SYTL5: variants seen among roughly 807,000 people sequenced by gnomAD.
SYTL5 encodes the protein synaptotagmin-like protein 5.
SYTL5 carries 34 observed loss-of-function variants against 55.9 expected under a neutral mutation model. The observed-to-expected ratio is 0.61, with a 90% CI of 0.46 to 0.81. The LOEUF (loss-of-function observed/expected upper bound fraction) is 0.81. Among genes scored for constraint, SYTL5 ranks in the 30% least tolerant of loss-of-function variants. SYTL5 has a pLI of 0.00. For synonymous variants in SYTL5, 221 were observed against 188.7 expected, an observed-to-expected ratio of 1.17 and a Z score of -1.40; for missense variants, 637 against 546.7, an observed-to-expected ratio of 1.17 and a Z score of -1.65.
At chrX:38,072,206 A>C in intron 4 of SYTL5, 44 bp downstream of exon 4, 10 of 1,012,913 alleles carry the variant, frequency 9.9e-6, no homozygotes, top group Non-Finnish European at 1.4e-5. Flanking sequence ...TTTCATCTCC[A>C]TTTGGCTAAC....
chrX:37,897,231 T>A, the SYTL5 span, among the ~76,000 whole-genome samples: 4 of 102,463 alleles, frequency 3.9e-5, no homozygotes, highest in South Asian at 4.4e-4. Flanking sequence ...ATGTCCATAA[T>A]CCCAGCACTT....
chrX:37,907,985 C>T, the SYTL5 span, among the ~76,000 whole-genome samples: 1 of 110,448 alleles, frequency 9.1e-6, no homozygotes, highest in Non-Finnish European at 1.9e-5. Flanking sequence ...GGCGCAGTAG[C>T]ATGTGCCTGT....
At chrX:38,094,074 C>T (rs1479681046) in intron 7 of SYTL5, among the ~76,000 whole-genome samples, 2 of 111,241 alleles carry the variant, frequency 1.8e-5, no homozygotes, top group Non-Finnish European at 3.8e-5. Flanking sequence ...ATACCTTTTG[C>T]ACTAATTAAC....
chrX:37,972,966 A>C, the SYTL5 span, among the ~76,000 whole-genome samples: 1 of 111,503 alleles, frequency 9.0e-6, no homozygotes, highest in Non-Finnish European at 1.9e-5. Context: ...CAGAGACAGC[A>C]TGTTGTAAAT....
the SYTL5 span, among the ~76,000 whole-genome samples, chrX:37,902,053 G>A: frequency 4.4e-5 from 5 of 112,382 alleles, no homozygotes; most frequent in South Asian, 3.7e-4. Flanking sequence ...CCATGTGGAC[G>A]TTGGGTTGAA....
chrX:38,065,903 C>A (rs1034187844), intron 3 of SYTL5, among the ~76,000 whole-genome samples: 1 of 111,307 alleles, frequency 9.0e-6, no homozygotes, highest in African/African-American at 3.3e-5. Flanking sequence ...AGTTTGAGAT[C>A]AGCCTGGCCA....
At chrX:38,080,518 G>A (rs893859288) in intron 6 of SYTL5, among the ~76,000 whole-genome samples, 1 of 111,279 alleles carries the variant, frequency 9.0e-6, no homozygotes, top group African/African-American at 3.3e-5. Flanking sequence ...TCTCTGTGAA[G>A]CTTCACAAGC....
At chrX:38,047,850 C>T (rs1339501582) in intron 2 of SYTL5, among the ~76,000 whole-genome samples, 2 of 111,370 alleles carry the variant, frequency 1.8e-5, no homozygotes, top group Admixed American at 9.5e-5. Flanking sequence ...AAATTCCACA[C>T]ATCTCTAGGG....
chrX:38,063,017 C>A (rs761711217), intron 3 of SYTL5, among the ~76,000 whole-genome samples: 4 of 111,366 alleles, frequency 3.6e-5, no homozygotes, highest in South Asian at 3.8e-4. Context: ...CTAACATAAA[C>A]CCAAATCCTA....
chrX:38,008,328 A>G (rs1294030958), intron 1 of SYTL5, among the ~76,000 whole-genome samples: 1 of 111,207 alleles, frequency 9.0e-6, no homozygotes, highest in East Asian at 2.8e-4. Context: ...ATTTTCCATG[A>G]TTTCACAAAA....
At chrX:38,062,129 G>T (rs764076493) in intron 3 of SYTL5, among the ~76,000 whole-genome samples, 2 of 110,246 alleles carry the variant, frequency 1.8e-5, no homozygotes, top group South Asian at 3.9e-4. Context: ...CACCACACCC[G>T]GCTAATTTTG....
At chrX:37,993,286 A>C in the SYTL5 span, among the ~76,000 whole-genome samples, 1 of 112,335 alleles carries the variant, frequency 8.9e-6, no homozygotes, top group Non-Finnish European at 1.9e-5. Flanking sequence ...AAAAATATTG[A>C]AATAAAAATT....
the SYTL5 span, among the ~76,000 whole-genome samples, chrX:37,944,135 T>C: frequency 2.7e-5 from 3 of 111,493 alleles, no homozygotes; most frequent in Non-Finnish European, 5.6e-5. Context: ...TGAGGAATTT[T>C]GGAGCATAGT....
chrX:37,910,263 T>G, the SYTL5 span, among the ~76,000 whole-genome samples: 7 of 111,640 alleles, frequency 6.3e-5, no homozygotes, highest in Non-Finnish European at 1.1e-4. Context: ...CTGACCATCT[T>G]CCCCCTGTAT....
intron 7 of SYTL5, 38 bp from the exon 8 acceptor site, chrX:38,094,257 T>A: frequency 8.8e-7 from 1 of 1,136,682 alleles, no homozygotes; most frequent in African/African-American, 1.8e-5. Context: ...TAAATTACAG[T>A]CAGTATAATT....
At chrX:37,897,826 G>A in the SYTL5 span, among the ~76,000 whole-genome samples, 3 of 111,928 alleles carry the variant, frequency 2.7e-5, no homozygotes, top group South Asian at 3.7e-4. Context: ...GGCCGGGCAC[G>A]GTGGCTCACG....
intron 13 of SYTL5, among the ~76,000 whole-genome samples, chrX:38,119,436 A>G (rs909668736): frequency 1.8e-5 from 2 of 112,429 alleles, no homozygotes; most frequent in African/African-American, 6.5e-5. Context: ...ATCATAAAGT[A>G]TATGTCATTT....
chrX:37,905,072 C>T, the SYTL5 span, among the ~76,000 whole-genome samples: 5 of 111,107 alleles, frequency 4.5e-5, no homozygotes, highest in Non-Finnish European at 7.6e-5. Flanking sequence ...AAGCTATTAA[C>T]TCTTCTAAGT....
At chrX:37,975,571 G>A in the SYTL5 span, among the ~76,000 whole-genome samples, 4 of 111,755 alleles carry the variant, frequency 3.6e-5, no homozygotes, top group Non-Finnish European at 1.9e-5. Context: ...TTTTGAACCT[G>A]ATGAAAGTTG....
Sources: allele counts gnomAD v4.1 joint callset (sites outside exome capture counted in the v4.1 genomes callset), GRCh38; gene constraint gnomAD v4.1.1; transcripts MANE v1.5; gene names NCBI Gene and HGNC (gene_info 2026-07-23, HGNC 2026-07-21).